The following TMPRSS7 variants were observed in gnomAD, a reference collection of about 807,000 sequenced individuals.
TMPRSS7 encodes the protein transmembrane serine protease 7.
A neutral mutation model predicts 95.6 loss-of-function variants in TMPRSS7; 81 were observed. That is an observed-to-expected ratio of 0.85 (90% CI 0.71 to 1.02). The LOEUF is 1.02. Among genes scored for constraint, TMPRSS7 ranks in the 50% least tolerant of loss-of-function variants. The pLI, the probability that TMPRSS7 is intolerant of heterozygous loss-of-function variation, is 0.00. For synonymous variants in TMPRSS7, 364 were observed against 337.8 expected (o/e 1.08, Z -0.85); for missense variants, 945 against 955.2 (o/e 0.99, Z 0.14).
chr3:112,050,928 C>A, intron 9 of TMPRSS7, 145 bp downstream of exon 9: 1 of 502,472 alleles, frequency 2.0e-6, no homozygotes, highest in Non-Finnish European at 3.5e-6. Context: ...TAGAATGCAA[C>A]ACTTTTCTGT....
At chr3:112,043,409 A>G (rs936089980) in intron 3 of TMPRSS7, among the ~76,000 whole-genome samples, 2 of 152,156 alleles carry the variant, frequency 1.3e-5, no homozygotes, top group Non-Finnish European at 2.9e-5. Context: ...AAATTATCCC[A>G]AGGAGGTGGG....
rs775699868 is a variant in TMPRSS7, at chr3:112,080,901, T to A, written c.2362-13T>A. 6.2e-7 allele frequency: 1 copy of A among 1,603,996 alleles called. No individual in the cohort carries two copies. Among genetic ancestry groups the A allele is most frequent in the East Asian group, 2.2e-5 (1 of 44,546 alleles). On this transcript the variant is annotated splice_polypyrimidine_tract_variant and intron_variant, in intron 17 of 17. Coordinates refer to ENST00000452346, the Ensembl canonical transcript of TMPRSS7. ...ACCAATTTACTTTATACTTACATTTTTTGTGTGTGTAGGGAGATTCGGGTG... is the reference window on the plus strand; with the variant it reads ...ACCAATTTACTTTATACTTACATTTATTGTGTGTGTAGGGAGATTCGGGTG...
At chr3:112,072,524 A>C (rs1392421110) in intron 13 of TMPRSS7, among the ~76,000 whole-genome samples, 1 of 152,246 alleles carries the variant, frequency 6.6e-6, no homozygotes. Flanking sequence ...GGAACGTTTA[A>C]GTCTTCAGAA....
rs569090968 is a variant in TMPRSS7, at chr3:112,043,383, A to G, written c.430-872A>G. 3.3e-5 allele frequency among the ~76,000 whole-genome samples: 5 copies of G among 152,330 alleles called. No homozygotes were observed. In the South Asian group the frequency reaches 8.3e-4, roughly 25 times the overall value. Reference sequence around the variant, plus strand: ...AAAATGTCATGTGGCATATGACTGTATACCAATTATTTCTAAAATTATCCC... The same window carrying G: ...AAAATGTCATGTGGCATATGACTGTGTACCAATTATTTCTAAAATTATCCC... On this transcript the variant is annotated intron_variant, in intron 3 of 17. Coordinates refer to ENST00000452346, the Ensembl canonical transcript of TMPRSS7.
At chr3:112,078,620 C>T (rs939887761) in intron 16 of TMPRSS7, 122 bp from the exon 17 acceptor site, 91 of 1,298,832 alleles carry the variant, frequency 7.0e-5, no homozygotes, top group Non-Finnish European at 9.1e-5. Flanking sequence ...GTAGAATTTA[C>T]CTCAAGGGAA....
intron 2 of TMPRSS7, among the ~76,000 whole-genome samples, chr3:112,041,619 G>T (rs953661473): frequency 3.3e-5 from 5 of 152,154 alleles, no homozygotes; most frequent in African/African-American, 1.2e-4. Context: ...GAGAAATTAT[G>T]ATAAAGCAGG....
intron 13 of TMPRSS7, among the ~76,000 whole-genome samples, chr3:112,069,791 AT>A (rs201610367): frequency 1.1e-4 from 16 of 151,306 alleles, no homozygotes; most frequent in East Asian, 7.8e-4. Context: ...AGATTCATTG[AT>A]TTTTTTTTGA....
chr3:112,037,788 T>C (rs143233689), intron 1 of TMPRSS7, among the ~76,000 whole-genome samples: 5 of 152,194 alleles, frequency 3.3e-5, no homozygotes, highest in African/African-American at 9.6e-5. Flanking sequence ...TTAGGGAAAA[T>C]AGAAAAGAAC....
At chr3:112,051,668 C>CATCT (rs5851813) in intron 9 of TMPRSS7, among the ~76,000 whole-genome samples, 179 of 128,072 alleles carry the variant, frequency 1.4e-3, no homozygotes, top group South Asian at 6.4e-3. Context: ...ATCTATCTAT[C>CATCT]ATCTATCTAT....
chr3:112,043,751 T>C (rs1454291490), intron 3 of TMPRSS7, among the ~76,000 whole-genome samples: 2 of 152,188 alleles, frequency 1.3e-5, no homozygotes, highest in Admixed American at 1.3e-4. Context: ...TTATGAAGTT[T>C]TAAAATGGCT....
At chr3:112,068,169 G>T (rs2107757417) in intron 13 of TMPRSS7, among the ~76,000 whole-genome samples, 1 of 152,270 alleles carries the variant, frequency 6.6e-6, no homozygotes, top group Non-Finnish European at 1.5e-5. Context: ...TCTCTGTTCT[G>T]TTCCATTGCT....
At chr3:112,075,103 C>T (rs1426750352) in intron 14 of TMPRSS7, among the ~76,000 whole-genome samples, 3 of 152,140 alleles carry the variant, frequency 2.0e-5, no homozygotes, top group African/African-American at 4.8e-5. Flanking sequence ...CTCTCATCTG[C>T]GTTGTGGTAT....
chr3:112,063,487 C>A, intron 11 of TMPRSS7, 38 bp from the exon 12 acceptor site: 1 of 1,528,924 alleles, frequency 6.5e-7, no homozygotes, highest in Non-Finnish European at 9.1e-7. Flanking sequence ...AGGGATCTAT[C>A]CAAGATTTTC....
At chr3:112,080,553 CTA>C (rs2073766209) in intron 17 of TMPRSS7, among the ~76,000 whole-genome samples, 4 of 82,804 alleles carry the variant, frequency 4.8e-5, no homozygotes, top group Admixed American at 4.6e-4. Flanking sequence ...ACTACCACCA[CTA>C]CTACTACTAC....
intron 9 of TMPRSS7, among the ~76,000 whole-genome samples, chr3:112,054,091 C>G (rs1186086118): frequency 6.6e-6 from 1 of 152,152 alleles, no homozygotes; most frequent in Non-Finnish European, 1.5e-5. Context: ...AGCTCCATTC[C>G]CTGCTTCTGT....
chr3:112,038,074 A>T (rs112614695), exon 2 of TMPRSS7: 1 of 700,724 alleles, frequency 1.4e-6, no homozygotes, highest in Admixed American at 2.0e-5. Context: ...TTTTGAAGAT[A>T]TCCAATATCT....
chr3:112,068,313 T>G (rs938583033), intron 13 of TMPRSS7, among the ~76,000 whole-genome samples: 1 of 152,228 alleles, frequency 6.6e-6, no homozygotes, highest in Non-Finnish European at 1.5e-5. Flanking sequence ...TGCAGGCTCT[T>G]TTTTGGTTCC....
In TMPRSS7 at chr3:112,047,030, G is replaced by A. The variant is rs2073287352; in HGVS notation, c.730+18G>A. The A allele has an allele frequency of 1.4e-6, 1 of 702,004 alleles. No individual in the cohort carries two copies. The highest frequency in any genetic ancestry group is 2.6e-6 in the Non-Finnish European group (1 of 384,604). The allele number at this position is 702,004 out of a possible 1,614,324, so 43.5% of individuals were successfully genotyped here. A position where few individuals can be genotyped will look rare whatever the true frequency, so the allele number is the denominator to read the frequency against. On this transcript the variant is annotated intron_variant, in intron 6 of 17. Transcript: ENST00000452346. ...AGGATCTGGTAAATTCTTTCATGTGGTTCCCCCTCCCCCCATGTTAATATT... is the reference window on the plus strand; with the variant it reads ...AGGATCTGGTAAATTCTTTCATGTGATTCCCCCTCCCCCCATGTTAATATT...
chr3:112,071,412 C>A (rs544326528), intron 13 of TMPRSS7, among the ~76,000 whole-genome samples: 1 of 152,256 alleles, frequency 6.6e-6, no homozygotes, highest in South Asian at 2.1e-4. Context: ...GCAAATCTGA[C>A]AATTATGTGT....
Sources: gnomAD v4.1 joint callset for allele counts (sites outside exome capture counted in the v4.1 genomes callset) on GRCh38, gnomAD v4.1.1 for gene constraint, MANE v1.5 for transcripts, NCBI Gene and HGNC (gene_info 2026-07-23, HGNC 2026-07-21) for gene names.